The following PDZD2 variants were observed in gnomAD, a reference collection of about 807,000 sequenced individuals.
PDZD2 encodes PDZ domain-containing protein 2.
A neutral mutation model predicts 220.7 loss-of-function variants in PDZD2; 90 were observed. The ratio of observed to expected loss-of-function variants is 0.41; its 90% CI spans 0.34 to 0.49. The LOEUF (loss-of-function observed/expected upper bound fraction) is 0.49, where lower values mean the gene tolerates loss of function less well. PDZD2 is among the 20% of genes least tolerant of loss of function. The pLI, the probability that PDZD2 is intolerant of heterozygous loss-of-function variation, is 0.28. For missense variants in PDZD2, 3,174 were observed against 3,608.5 expected (o/e 0.88, Z 3.08); for synonymous variants, 1,375 against 1,450.5 (o/e 0.95, Z 1.18).
chr5:31,854,424 C>T (rs1321654020), intron 2 of PDZD2, among the ~76,000 whole-genome samples: 1 of 152,194 alleles, frequency 6.6e-6, no homozygotes, highest in Non-Finnish European at 1.5e-5. Context: ...GCGGTGTTAA[C>T]TTTGGTTACT....
chr5:31,688,554 A>C (rs1050089735), intron 1 of PDZD2, among the ~76,000 whole-genome samples: 2 of 152,122 alleles, frequency 1.3e-5, no homozygotes, highest in African/African-American at 4.8e-5. Flanking sequence ...TTGTCCTACG[A>C]GGTGACTCAG....
Position 32,059,326 on chromosome 5 carries a change from G to C in PDZD2, c.2288G>C (p.Gly763Ala), listed in dbSNP as rs1410175602. ...ATCTACATTCACAGCCTTGCTCCAG[G>C]ATCAGTGGCCAAGATGGAGAGCAAC... is the stretch of plus-strand genomic sequence containing the variant. Reference protein sequence around the residue: ...PGIYIHSLAPGSVAKMESNLS... With the variant: ...PGIYIHSLAPASVAKMESNLS... Residue 763 changes from glycine to alanine, a missense_variant, in exon 13 of 25, where the codon GGA (glycine) becomes GCA (alanine). Physicochemically the swap from Gly to Ala is moderately conservative, Grantham distance 60. This residue lies in a region of PDZD2 where 1,861 missense variants were observed against 2,001.0 expected (regional missense o/e 0.93). Coordinates refer to ENST00000438447, the MANE Select transcript of PDZD2 (RefSeq NM_178140.4). 2 of 1,610,746 alleles carry C rather than the reference G, an allele frequency of 1.2e-6. No homozygotes were observed.
intron 1 of PDZD2, among the ~76,000 whole-genome samples, chr5:31,737,311 T>C (rs1749945531): frequency 6.6e-6 from 1 of 151,388 alleles, no homozygotes; most frequent in Non-Finnish European, 1.5e-5. Flanking sequence ...TAGCTGGGAC[T>C]ACAGGCGCCC....
chr5:31,830,168 CTTT>C (rs11350706), intron 2 of PDZD2, among the ~76,000 whole-genome samples: 5 of 135,042 alleles, frequency 3.7e-5, no homozygotes, highest in Non-Finnish European at 3.2e-5. Context: ...AATCCAATGG[CTTT>C]TTTTTTTTTT....
At chr5:31,718,209 G>A (rs975517844) in intron 1 of PDZD2, among the ~76,000 whole-genome samples, 2 of 152,206 alleles carry the variant, frequency 1.3e-5, no homozygotes, top group African/African-American at 4.8e-5. Flanking sequence ...GGAATCTGCT[G>A]ATTTATGGAG....
intron 2 of PDZD2, among the ~76,000 whole-genome samples, chr5:31,909,994 C>T (rs977543819): frequency 6.6e-6 from 1 of 152,168 alleles, no homozygotes; most frequent in Non-Finnish European, 1.5e-5. Flanking sequence ...AAATAGCTTA[C>T]GTTTATGGAT....
Position 31,723,928 on chromosome 5 carries a change from C to T in PDZD2, c.-360-74961C>T, listed in dbSNP as rs546546617. On this transcript the variant is annotated intron_variant, in intron 1 of 24. Coordinates refer to ENST00000438447, the MANE Select transcript of PDZD2 (RefSeq NM_178140.4). ...CCACCGTGCCCAGCCCTCAACTTGC[C>T]TCTTTTTGAATAAACTGAGGTGTGA... Among the ~76,000 whole-genome samples the T allele has an allele frequency of 2.6e-5, 4 of 152,122 alleles. No homozygotes were observed. In the South Asian group the frequency reaches 6.2e-4, roughly 24 times the overall value.
intron 1 of PDZD2, among the ~76,000 whole-genome samples, chr5:31,694,269 G>A (rs1175680745): frequency 6.6e-6 from 1 of 152,104 alleles, no homozygotes; most frequent in East Asian, 1.9e-4. Context: ...GCCAGTGCCT[G>A]TAATCCCAGC....
At chr5:32,035,619 C>T (rs775481012) in intron 6 of PDZD2, among the ~76,000 whole-genome samples, 11 of 152,064 alleles carry the variant, frequency 7.2e-5, no homozygotes, top group South Asian at 2.1e-4. Flanking sequence ...TACAGGCACC[C>T]GCCACTGTAC....
intron 2 of PDZD2, among the ~76,000 whole-genome samples, chr5:31,827,005 T>TA (rs1561489517): frequency 6.6e-6 from 1 of 152,158 alleles, no homozygotes; most frequent in African/African-American, 2.4e-5. Context: ...TCTGTCCCTA[T>TA]AGACAGCACG....
rs1742131462 is a variant in PDZD2, at chr5:32,083,221, G to A, written c.3683-3910G>A. On this transcript the variant is annotated intron_variant, in intron 19 of 24. Transcript: ENST00000438447. This position sits in a 1 kb window ranked among gnomAD's most constrained non-coding sequence, Gnocchi z 4.1. ...CAAAAAAAAAAAAAAAATCCACTGT[G>A]GTAGTCACCAGTACCTAACAACCTT... is the stretch of plus-strand genomic sequence containing the variant. 6.7e-6 allele frequency among the ~76,000 whole-genome samples: 1 copy of A among 150,192 alleles called. No homozygotes were observed. Among genetic ancestry groups the A allele is most frequent in the African/African-American group, 2.4e-5 (1 of 40,994 alleles).
At chr5:31,968,216 G>A (rs1409692668) in intron 2 of PDZD2, among the ~76,000 whole-genome samples, 4 of 152,138 alleles carry the variant, frequency 2.6e-5, no homozygotes, top group Non-Finnish European at 5.9e-5. Context: ...AAATTAGCCA[G>A]GCGTGGTGGT....
At chr5:31,686,098 G>C (rs1270350252) in intron 1 of PDZD2, among the ~76,000 whole-genome samples, 1 of 151,498 alleles carries the variant, frequency 6.6e-6, no homozygotes. Context: ...TACTACCCAG[G>C]TAGTAGTCCC....
intron 24 of PDZD2, among the ~76,000 whole-genome samples, chr5:32,105,456 A>T (rs988460222): frequency 1.3e-5 from 2 of 152,228 alleles, no homozygotes; most frequent in Non-Finnish European, 2.9e-5. Context: ...GTTAATCTTT[A>T]AGGAAAATTT....
chr5:31,739,481 T>A (rs1341497293), intron 1 of PDZD2, among the ~76,000 whole-genome samples: 1 of 152,116 alleles, frequency 6.6e-6, no homozygotes, highest in East Asian at 1.9e-4. Context: ...CTTTGAAGAA[T>A]GATAATTATA....
At chr5:31,769,120 A>G (rs1380438296) in intron 1 of PDZD2, among the ~76,000 whole-genome samples, 1 of 152,226 alleles carries the variant, frequency 6.6e-6, no homozygotes, top group Non-Finnish European at 1.5e-5. Context: ...CCGAGGGCAG[A>G]TGCAGCCGGA....
At chr5:31,859,175 C>G (rs538228327) in intron 2 of PDZD2, among the ~76,000 whole-genome samples, 3 of 152,208 alleles carry the variant, frequency 2.0e-5, no homozygotes, top group African/African-American at 7.2e-5. Flanking sequence ...ACTCCCTCCC[C>G]CAAACTATCC....
At position 31,827,709 on chromosome 5, in the gene PDZD2, A is replaced by AGC. The variant is rs60679810; in HGVS notation, c.476+27985_476+27986insGC. 1.4e-5 allele frequency among the ~76,000 whole-genome samples: 2 copies of AGC among 144,312 alleles called. 1 individual carries two copies. The highest frequency in any genetic ancestry group is 5.1e-5 in the African/African-American group (2 of 39,348). 94.7% of individuals were successfully genotyped at this position (144,312 alleles called of 152,430 possible). A position where few individuals can be genotyped will look rare whatever the true frequency, so the allele number is the denominator to read the frequency against. ...TCTGTCTCAAAAAAAATAAATAAAT[A>AGC]AAAAAATAAAAATAATTTTAAAATG... On this transcript the variant is annotated intron_variant, in intron 2 of 24. Transcript: ENST00000438447.
chr5:31,884,232 C>CATACATACATACATAT (rs1740215459), intron 2 of PDZD2, among the ~76,000 whole-genome samples: 1 of 132,140 alleles, frequency 7.6e-6, no homozygotes, highest in African/African-American at 2.8e-5. Context: ...TGCATGCATG[C>CATACATACATACATAT]ATACATACAT....
Sources: gnomAD v4.1 joint callset for allele counts (sites outside exome capture counted in the v4.1 genomes callset) on GRCh38, gnomAD v4.1.1 for gene constraint, gnomAD v4.1.1 regional missense constraint, Gnocchi (gnomAD v3.1) non-coding constraint, MANE v1.5 for transcripts, NCBI Gene and HGNC (gene_info 2026-07-23, HGNC 2026-07-21) for gene names.